The following RRBP1 variants were observed in gnomAD, a reference collection of about 807,000 sequenced individuals.
RRBP1 encodes ribosome-binding protein 1.
A neutral mutation model predicts 165.2 loss-of-function variants in RRBP1; 94 were observed. That is an observed-to-expected ratio of 0.57 (90% CI 0.48 to 0.68). The LOEUF is 0.68. Among genes scored for constraint, RRBP1 ranks in the 30% least tolerant of loss-of-function variants. The pLI is 0.00. For synonymous variants in RRBP1, 680 were observed against 714.5 expected (o/e 0.95, Z 0.77); for missense variants, 1,676 against 1,763.0 (o/e 0.95, Z 0.88).
chr20:17,622,011 G>T, intron 13 of RRBP1, 64 bp from the exon 14 acceptor site: 1 of 1,221,842 alleles, frequency 8.2e-7, no homozygotes, highest in Non-Finnish European at 1.2e-6. Context: ...ACCTCCCCAG[G>T]TCTTTACTGA....
intron 1 of RRBP1, among the ~76,000 whole-genome samples, chr20:17,680,871 T>G (rs1363709310): frequency 6.6e-6 from 1 of 152,068 alleles, no homozygotes; most frequent in Non-Finnish European, 1.5e-5. Context: ...TCTCCACAGC[T>G]TTCCTCGCAA....
intron 2 of RRBP1, among the ~76,000 whole-genome samples, chr20:17,667,470 T>C (rs1355467518): frequency 7.2e-5 from 11 of 152,234 alleles, no homozygotes; most frequent in Admixed American, 7.2e-4. Flanking sequence ...TTCTCTTTTC[T>C]TGCAGCAAAT....
At chr20:17,621,104 C>T (rs535703065) in intron 16 of RRBP1, among the ~76,000 whole-genome samples, 14 of 152,286 alleles carry the variant, frequency 9.2e-5, no homozygotes, top group African/African-American at 3.4e-4. Flanking sequence ...GTCAATGGCC[C>T]AGGACGAGGA....
In RRBP1 at chr20:17,660,346, G is replaced by A. The variant is rs779809041; in HGVS notation, c.162C>T (p.His54=). The A allele has an allele frequency of 2.5e-6, 4 of 1,613,652 alleles. No individual in the cohort carries two copies. The highest frequency in any genetic ancestry group is 1.3e-5 in the African/African-American group (1 of 74,808). ...NQRKEMAKTH[H]QKVEKKKKEK... is the part of the protein sequence containing the mutation. The stretch of plus-strand genomic sequence containing the variant: ...CCTTCTTTTTCTTCTCGACTTTCTG[G>A]TGGTGAGTTTTCGCCATCTCCTTGC... Residue 54 remains histidine (H), a synonymous_variant, in exon 3 of 25, where the codon CAC becomes CAT. Transcript: ENST00000377813.
At chr20:17,656,755 A>G (rs1472767693) in intron 3 of RRBP1, among the ~76,000 whole-genome samples, 3 of 152,214 alleles carry the variant, frequency 2.0e-5, no homozygotes, top group African/African-American at 4.8e-5. Flanking sequence ...AGTTAGGGGG[A>G]AAATCTCAAG....
chr20:17,624,562 G>A lies in RRBP1; in HGVS notation c.3147+14C>T, dbSNP rs1338150883. On this transcript the variant is annotated intron_variant, in intron 13 of 24. Transcript: ENST00000377813. ...CTTTCCATGGTGGGGGTGTGAGTGT[G>A]GTCGGGCTCTGACCTTGGCCTGGGT... 1.3e-6 allele frequency: 2 copies of A among 1,565,526 alleles called. No individual in the cohort carries two copies. The highest frequency in any genetic ancestry group is 1.7e-6 in the Non-Finnish European group (2 of 1,148,310).
At chr20:17,667,853 C>A (rs2036899792) in intron 2 of RRBP1, among the ~76,000 whole-genome samples, 2 of 152,130 alleles carry the variant, frequency 1.3e-5, no homozygotes, top group African/African-American at 4.8e-5. Context: ...TTTCTCAGTC[C>A]TTAAAGCCCT....
At chr20:17,616,588 G>A (rs1308284694) in intron 21 of RRBP1, 144 bp downstream of exon 21, 1 of 604,440 alleles carries the variant, frequency 1.7e-6, no homozygotes, top group African/African-American at 1.9e-5. Context: ...GAACCTGGAT[G>A]ATCCAAATGG....
intron 5 of RRBP1, among the ~76,000 whole-genome samples, chr20:17,638,008 G>A (rs1255343430): frequency 2.6e-5 from 4 of 152,192 alleles, no homozygotes; most frequent in Admixed American, 1.3e-4. Flanking sequence ...AAGAGGCAGG[G>A]GTGGGGCCCA....
intron 11 of RRBP1, among the ~76,000 whole-genome samples, chr20:17,626,304 A>G (rs563568241): frequency 6.6e-6 from 1 of 152,184 alleles, no homozygotes; most frequent in Non-Finnish European, 1.5e-5. Flanking sequence ...GCAAAACAAC[A>G]ACCTCTCTAC....
intron 4 of RRBP1, 44 bp from the exon 5 acceptor site, chr20:17,641,963 C>G: frequency 3.8e-6 from 6 of 1,590,570 alleles, no homozygotes; most frequent in Non-Finnish European, 5.2e-6. Flanking sequence ...ACAAATGGGA[C>G]TTGGCTCATC....
intron 8 of RRBP1, among the ~76,000 whole-genome samples, chr20:17,630,551 C>A (rs1383663313): frequency 6.6e-6 from 1 of 152,218 alleles, no homozygotes; most frequent in African/African-American, 2.4e-5. Context: ...ACAGGCCCAC[C>A]ACACCCTTGT....
intron 22 of RRBP1, 84 bp downstream of exon 22, chr20:17,615,842 C>T (rs1053794756): frequency 2.6e-5 from 31 of 1,204,852 alleles, no homozygotes; most frequent in African/African-American, 1.9e-4. Context: ...CACAGCCGAG[C>T]GGGGCAGGGC....
Position 17,641,780 on chromosome 20 carries a change from GC to G in RRBP1, c.2184+16del. 6.2e-7 allele frequency: 1 copy of G among 1,610,998 alleles called. No individual in the cohort carries two copies. Among genetic ancestry groups the G allele is most frequent in the Admixed American group, 1.7e-5 (1 of 60,012 alleles). Reference sequence around the variant, plus strand: ...ACGGGAGAGGACAAACCATCTCCGAGCCCACTCAGGCTGTACCTTGTTGAGC... The same window carrying G: ...ACGGGAGAGGACAAACCATCTCCGAGCCACTCAGGCTGTACCTTGTTGAGC... On this transcript the variant is annotated intron_variant, in intron 5 of 24. Transcript: ENST00000377813.
At chr20:17,622,154 T>C (rs937636463) in intron 13 of RRBP1, among the ~76,000 whole-genome samples, 21 of 152,282 alleles carry the variant, frequency 1.4e-4, no homozygotes, top group African/African-American at 5.1e-4. Flanking sequence ...TCTGGTCCAT[T>C]TCAAACAGAC....
chr20:17,652,636 A>G (rs551121793), intron 3 of RRBP1, among the ~76,000 whole-genome samples: 2 of 152,134 alleles, frequency 1.3e-5, no homozygotes, highest in Non-Finnish European at 2.9e-5. Flanking sequence ...TTCTGCCTAC[A>G]GTTGCCTCAG....
At chr20:17,652,431 G>T (rs929414023) in intron 3 of RRBP1, among the ~76,000 whole-genome samples, 2 of 152,228 alleles carry the variant, frequency 1.3e-5, no homozygotes, top group East Asian at 3.9e-4. Context: ...CCCTGCCCAA[G>T]TCAAGGCCTC....
intron 8 of RRBP1, among the ~76,000 whole-genome samples, chr20:17,631,292 G>A (rs1327623696): frequency 2.0e-5 from 3 of 152,226 alleles, no homozygotes; most frequent in Non-Finnish European, 4.4e-5. Context: ...ACGACTGGAA[G>A]AAAACACACC....
chr20:17,622,032 T>G, intron 13 of RRBP1, 85 bp from the exon 14 acceptor site: 1 of 989,298 alleles, frequency 1.0e-6, no homozygotes, highest in Non-Finnish European at 1.6e-6. Flanking sequence ...TATGCCCGGG[T>G]CTCTGCCCCA....
Sources: allele counts gnomAD v4.1 joint callset (sites outside exome capture counted in the v4.1 genomes callset), GRCh38; gene constraint gnomAD v4.1.1; transcripts MANE v1.5; gene names NCBI Gene and HGNC (gene_info 2026-07-23, HGNC 2026-07-21).